Variants in GRK5 observed in about 807,000 individuals in gnomAD.
GRK5 encodes g protein-coupled receptor kinase GRK5.
GRK5 carries 40 observed loss-of-function variants against 78.4 expected under a neutral mutation model. That is an observed-to-expected ratio of 0.51 (90% CI 0.40 to 0.66). GRK5 has a LOEUF of 0.66. Ranked by LOEUF, GRK5 falls within the 30% of genes least tolerant of loss-of-function variation. The probability of loss-of-function intolerance (pLI) is 0.00; values close to 1 mark genes in which losing one functional copy is unlikely to be tolerated. For synonymous variants in GRK5, 289 were observed against 296.8 expected (o/e 0.97, Z 0.27); for missense variants, 598 against 759.9 (o/e 0.79, Z 2.50).
At chr10:119,230,567 C>G (rs888042891) in intron 1 of GRK5, among the ~76,000 whole-genome samples, 2 of 152,068 alleles carry the variant, frequency 1.3e-5, no homozygotes, top group African/African-American at 4.8e-5. Context: ...CAGCAAATAC[C>G]TGTCCCCATG....
intron 6 of GRK5, among the ~76,000 whole-genome samples, chr10:119,425,861 C>T (rs1852668285): frequency 6.6e-6 from 1 of 152,252 alleles, no homozygotes; most frequent in Non-Finnish European, 1.5e-5. Context: ...GATGAGGAAG[C>T]AGAACATAGG....
intron 4 of GRK5, among the ~76,000 whole-genome samples, chr10:119,413,386 C>T (rs1444203650): frequency 1.3e-5 from 2 of 151,068 alleles, no homozygotes; most frequent in African/African-American, 4.9e-5. Context: ...CTGCTGTGAA[C>T]GTTCACACTC....
intron 10 of GRK5, 94 bp from the exon 11 acceptor site, chr10:119,441,905 C>A: frequency 2.2e-6 from 2 of 928,780 alleles, no homozygotes; most frequent in South Asian, 1.4e-5. Flanking sequence ...GATGAGAATG[C>A]CGAGAGCTCG....
At chr10:119,417,879 G>A (rs1456315999) in intron 4 of GRK5, among the ~76,000 whole-genome samples, 1 of 152,178 alleles carries the variant, frequency 6.6e-6, no homozygotes, top group Non-Finnish European at 1.5e-5. Flanking sequence ...GTGCCCTGTG[G>A]TGCCCAGAAA....
intron 1 of GRK5, among the ~76,000 whole-genome samples, chr10:119,290,580 G>A (rs1324919088): frequency 6.6e-6 from 1 of 151,918 alleles, no homozygotes; most frequent in African/African-American, 2.4e-5. Flanking sequence ...GGCAGGCACT[G>A]TCTTCCCTTC....
chr10:119,329,895 C>T (rs991792515), intron 2 of GRK5, among the ~76,000 whole-genome samples: 1 of 122,120 alleles, frequency 8.2e-6, no homozygotes, highest in East Asian at 2.9e-4. Context: ...TGGAGTCTTG[C>T]TCTGTTGCTC....
chr10:119,227,954 A>G (rs1848767176), intron 1 of GRK5, among the ~76,000 whole-genome samples: 1 of 152,184 alleles, frequency 6.6e-6, no homozygotes, highest in South Asian at 2.1e-4. Context: ...TTCCACGTCT[A>G]AGATTTTATC....
chr10:119,241,002 G>T (rs1020900797), intron 1 of GRK5, among the ~76,000 whole-genome samples: 10 of 152,220 alleles, frequency 6.6e-5, no homozygotes, highest in African/African-American at 2.2e-4. Context: ...GCAGGATTGT[G>T]CCGGGGGCTC....
At chr10:119,417,834 A>G (rs1852492664) in intron 4 of GRK5, among the ~76,000 whole-genome samples, 1 of 152,094 alleles carries the variant, frequency 6.6e-6, no homozygotes, top group South Asian at 2.1e-4. Context: ...GGTCTGCCCT[A>G]CTTATGTTCC....
At position 119,207,951 on chromosome 10, in the gene GRK5, T is replaced by G; in HGVS notation, c.34T>G (p.Leu12Val). Residue 12 changes from leucine to valine, a missense_variant, in exon 1 of 16, where the codon TTG (leucine) becomes GTG (valine). Leu to Val is a conservative substitution (Grantham distance 32). Coordinates refer to ENST00000392870, the MANE Select transcript of GRK5 (RefSeq NM_005308.3). ...ELENIVANTV[L>V]LKAREGGGGK... is the part of the protein sequence containing the mutation. ...GGAAAACATCGTGGCCAACACGGTC[T>G]TGCTGAAAGCCAGGGAAGGTAAGAG... 1.2e-6 allele frequency: 2 copies of G among 1,604,982 alleles called. No homozygotes were observed.
intron 1 of GRK5, among the ~76,000 whole-genome samples, chr10:119,248,289 A>G (rs1313668247): frequency 6.6e-6 from 1 of 152,182 alleles, no homozygotes; most frequent in Admixed American, 6.5e-5. Flanking sequence ...CTAGGATTAT[A>G]GAAGTGAGCC....
At chr10:119,273,562 G>A (rs1036648172) in intron 1 of GRK5, among the ~76,000 whole-genome samples, 2 of 152,206 alleles carry the variant, frequency 1.3e-5, no homozygotes, top group African/African-American at 4.8e-5. Context: ...GAGACATTTG[G>A]CACCCTCAGG....
intron 1 of GRK5, among the ~76,000 whole-genome samples, chr10:119,263,859 G>C (rs1360259337): frequency 1.3e-5 from 2 of 152,132 alleles, no homozygotes; most frequent in Non-Finnish European, 2.9e-5. Flanking sequence ...ACCCAGGAGG[G>C]AGAGCTTGCA....
At chr10:119,290,617 C>T (rs1849939533) in intron 1 of GRK5, among the ~76,000 whole-genome samples, 2 of 151,946 alleles carry the variant, frequency 1.3e-5, no homozygotes, top group African/African-American at 4.8e-5. Flanking sequence ...CCAGCCATTC[C>T]CAAGGACTCA....
chr10:119,366,606 A>T (rs903600973), intron 2 of GRK5, among the ~76,000 whole-genome samples: 1 of 152,202 alleles, frequency 6.6e-6, no homozygotes, highest in South Asian at 2.1e-4. Flanking sequence ...GTTGAGGCCC[A>T]GTTGATAGCC....
intron 1 of GRK5, among the ~76,000 whole-genome samples, chr10:119,282,671 G>C (rs1446918444): frequency 6.6e-6 from 1 of 152,166 alleles, no homozygotes; most frequent in African/African-American, 2.4e-5. Flanking sequence ...CCGGTGGTCT[G>C]TGACAGCTTC....
rs1426198088 is a variant in GRK5 at position 119,455,112 on chromosome 10, C to T, written c.*45C>T. On this transcript the variant is annotated 3_prime_UTR_variant, in exon 16 of 16. Coordinates refer to ENST00000392870, the MANE Select transcript of GRK5 (RefSeq NM_005308.3). ...GTCCACAGTGGAACCAGCCCAGACC[C>T]TTCTCCTTAGAAGTGGAAGTAGTGG... 7.0e-7 allele frequency: 1 copy of T among 1,435,164 alleles called. No homozygotes were observed. The highest frequency in any genetic ancestry group is 9.8e-7 in the Non-Finnish European group (1 of 1,017,492). 88.9% of individuals were successfully genotyped at this position (1,435,164 alleles called of 1,614,324 possible). A position where few individuals can be genotyped will look rare whatever the true frequency, so the allele number is the denominator to read the frequency against.
intron 1 of GRK5, among the ~76,000 whole-genome samples, chr10:119,251,571 T>C (rs746032002): frequency 2.0e-5 from 3 of 152,174 alleles, no homozygotes; most frequent in African/African-American, 4.8e-5. Context: ...TTATCTGGAG[T>C]TGTAATTGTC....
At chr10:119,440,338 C>G (rs1853007201) in intron 10 of GRK5, among the ~76,000 whole-genome samples, 1 of 152,068 alleles carries the variant, frequency 6.6e-6, no homozygotes, top group Non-Finnish European at 1.5e-5. Context: ...ACCACAGTAC[C>G]CCTCACAGCT....
Sources: gnomAD v4.1 joint callset for allele counts (sites outside exome capture counted in the v4.1 genomes callset) on GRCh38, gnomAD v4.1.1 for gene constraint, MANE v1.5 for transcripts, NCBI Gene and HGNC (gene_info 2026-07-23, HGNC 2026-07-21) for gene names.